MTFR1: variants seen among roughly 807,000 people sequenced by gnomAD.
MTFR1 encodes the protein mitochondrial fission regulator 1, also known as chondrocyte protein with a poly-proline region.
In MTFR1, 28 loss-of-function variants were observed where a neutral mutation model predicts 38.8. The ratio of observed to expected loss-of-function variants is 0.72; its 90% CI spans 0.53 to 0.99. The LOEUF (loss-of-function observed/expected upper bound fraction) is 0.99. Among genes scored for constraint, MTFR1 ranks in the 50% least tolerant of loss-of-function variants. The pLI is 0.00. For synonymous variants in MTFR1, 145 were observed against 137.0 expected, an observed-to-expected ratio of 1.06 and a Z score of -0.41; for missense variants, 358 against 395.5, an observed-to-expected ratio of 0.91 and a Z score of 0.81.
intron 1 of MTFR1, among the ~76,000 whole-genome samples, chr8:65,668,327 TC>T (rs1164138871): frequency 6.9e-6 from 1 of 144,252 alleles, no homozygotes; most frequent in Non-Finnish European, 1.5e-5. Context: ...ACAGGCGTGC[TC>T]CACCACACCC....
chr8:65,758,355 G>A (rs1007052201), intron 3 of MTFR1, among the ~76,000 whole-genome samples: 1 of 152,140 alleles, frequency 6.6e-6, no homozygotes, highest in Non-Finnish European at 1.5e-5. Context: ...GTAGTCCTAG[G>A]ACTACTGTAT....
downstream of MTFR1, among the ~76,000 whole-genome samples, chr8:65,775,629 T>C (rs529550919): frequency 1.3e-5 from 2 of 152,364 alleles, no homozygotes; most frequent in Non-Finnish European, 2.9e-5. Context: ...GCCTCTCTTA[T>C]TTCTTCCCTT....
intron 6 of MTFR1, 121 bp downstream of exon 6, chr8:65,707,377 A>C: frequency 9.4e-7 from 1 of 1,062,652 alleles, no homozygotes; most frequent in Middle Eastern, 2.7e-4. Context: ...GTTTAAAAAA[A>C]AGATGAGCCC....
chr8:65,695,985 C>T lies in MTFR1; in HGVS notation c.281+2226C>T, dbSNP rs542073807. Among the ~76,000 whole-genome samples, 8 of 152,154 alleles carry T rather than the reference C, an allele frequency of 5.3e-5. No individual in the cohort carries two copies. In the East Asian group the frequency reaches 1.4e-3, roughly 26 times the overall value. The stretch of plus-strand genomic sequence containing the variant: ...CCAACCCATCACCCAAAGAGCTAAG[C>T]GGCAGGAGAAGACCTGGTAGAGGGT... On this transcript the variant is annotated intron_variant, in intron 4 of 7. Transcript: ENST00000262146.
intron 3 of MTFR1, among the ~76,000 whole-genome samples, chr8:65,738,501 G>A (rs527685011): frequency 6.6e-6 from 1 of 152,304 alleles, no homozygotes; most frequent in South Asian, 2.1e-4. Flanking sequence ...AGGAGAAACT[G>A]GTGCCTATTA....
At chr8:65,655,738 T>C (rs1245876150) in intron 1 of MTFR1, among the ~76,000 whole-genome samples, 1 of 151,032 alleles carries the variant, frequency 6.6e-6, no homozygotes, top group Non-Finnish European at 1.5e-5. Context: ...TAACCTGAGG[T>C]CAGGAGTTTG....
chr8:65,713,531 T>TATCA (rs1362237074), downstream of MTFR1, among the ~76,000 whole-genome samples: 1 of 151,892 alleles, frequency 6.6e-6, no homozygotes, highest in African/African-American at 2.4e-5. Flanking sequence ...CCCACCATCC[T>TATCA]ATCAGACTTT....
At chr8:65,755,197 C>A (rs2128910795) in intron 3 of MTFR1, among the ~76,000 whole-genome samples, 1 of 151,448 alleles carries the variant, frequency 6.6e-6, no homozygotes, top group Non-Finnish European at 1.5e-5. Flanking sequence ...ATTTTTATAT[C>A]TTTAGTAGAG....
At chr8:65,724,342 T>G (rs756890692) in intron 3 of MTFR1, 1 of 1,610,558 alleles carries the variant, frequency 6.2e-7, no homozygotes, top group East Asian at 2.2e-5. Flanking sequence ...TCAGCACATT[T>G]CAAAGCCATC....
chr8:65,697,096 T>C (rs147993155), intron 4 of MTFR1, among the ~76,000 whole-genome samples: 6,382 of 149,652 alleles, frequency 0.043, 195 homozygotes, highest in Non-Finnish European at 0.064. Flanking sequence ...GTGATTCCCC[T>C]GCCTCAGCCT....
intron 3 of MTFR1, among the ~76,000 whole-genome samples, chr8:65,739,174 C>T (rs1279639596): frequency 6.6e-6 from 1 of 152,184 alleles, no homozygotes; most frequent in African/African-American, 2.4e-5. Flanking sequence ...TGGTGCCAAA[C>T]TCCTCTGCTT....
intron 4 of MTFR1, among the ~76,000 whole-genome samples, chr8:65,700,418 T>C (rs1805582467): frequency 6.6e-6 from 1 of 151,592 alleles, no homozygotes; most frequent in Admixed American, 6.6e-5. Flanking sequence ...ATAGAAGTAT[T>C]CTACTTTGAG....
At chr8:65,765,520 A>AAAAAAAAAC (rs1808738031) in intron 3 of MTFR1, 1 of 137,832 alleles carries the variant, frequency 7.3e-6, no homozygotes, top group African/African-American at 2.7e-5. Context: ...AAAAAAAAAA[A>AAAAAAAAAC]GATAATGGGC....
chr8:65,690,373 C>CT (rs1805237750), intron 3 of MTFR1, among the ~76,000 whole-genome samples: 3 of 151,754 alleles, frequency 2.0e-5, no homozygotes, highest in Non-Finnish European at 4.4e-5. Context: ...CCCATCTCTA[C>CT]CAAAAATACA....
chr8:65,679,461 A>T (rs1306258284), intron 2 of MTFR1: 1 of 152,212 alleles, frequency 6.6e-6, no homozygotes. Context: ...CAAAAAAATT[A>T]GCCAGGCATG....
At chr8:65,739,376 T>G (rs1807300364) in intron 3 of MTFR1, 18 of 1,095,818 alleles carry the variant, frequency 1.6e-5, no homozygotes, top group Admixed American at 4.4e-5. Context: ...TGTGTGTTGT[T>G]TTAAGCCACT....
rs143928477 is a variant in MTFR1 at position 65,683,776 on chromosome 8, C to T, written c.165+1325C>T. Among the ~76,000 whole-genome samples, 75 of 152,176 alleles carry T rather than the reference C, an allele frequency of 4.9e-4. No homozygotes were observed. The East Asian group carries it at 0.014, about 28-fold the overall frequency. The stretch of plus-strand genomic sequence containing the variant: ...GTGATCTCAGGTGATCTGCGCATCT[C>T]TGCCTCCCTAAGTGCTGGGATTACA... On this transcript the variant is annotated intron_variant, in intron 3 of 7. Coordinates refer to ENST00000262146, the MANE Select transcript of MTFR1 (RefSeq NM_014637.4).
intron 4 of MTFR1, among the ~76,000 whole-genome samples, chr8:65,703,956 G>A (rs1805700437): frequency 6.6e-6 from 1 of 152,022 alleles, no homozygotes; most frequent in Non-Finnish European, 1.5e-5. Flanking sequence ...GCTCATGCTT[G>A]TAATTCGAGT....
intron 2 of MTFR1, among the ~76,000 whole-genome samples, chr8:65,716,861 C>T (rs1168440775): frequency 1.3e-5 from 2 of 152,052 alleles, no homozygotes; most frequent in East Asian, 3.9e-4. Flanking sequence ...CGAGAGTGAC[C>T]AGCTGACCAT....
Sources: gnomAD v4.1 joint callset for allele counts (sites outside exome capture counted in the v4.1 genomes callset) on GRCh38, gnomAD v4.1.1 for gene constraint, MANE v1.5 for transcripts, NCBI Gene and HGNC (gene_info 2026-07-23, HGNC 2026-07-21) for gene names.